TNPO1: variants seen among roughly 807,000 people sequenced by gnomAD.
TNPO1 encodes transportin-1.
TNPO1 carries 8 observed loss-of-function variants against 119.5 expected under a neutral mutation model. That is an observed-to-expected ratio of 0.07 (90% CI 0.04 to 0.12). The LOEUF (loss-of-function observed/expected upper bound fraction) is 0.12, where lower values mean the gene tolerates loss of function less well. Ranked by LOEUF, TNPO1 falls within the 10% of genes least tolerant of loss-of-function variation. The pLI, the probability that TNPO1 is intolerant of heterozygous loss-of-function variation, is 1.00. For synonymous variants in TNPO1, 362 were observed against 363.0 expected, an observed-to-expected ratio of 1.00 and a Z score of 0.03; for missense variants, 576 against 1,089.8, an observed-to-expected ratio of 0.53 and a Z score of 6.64.
At chr5:72,880,816 CAAAAAA>C (rs35726893) in intron 9 of TNPO1, among the ~76,000 whole-genome samples, 2 of 101,204 alleles carry the variant, frequency 2.0e-5, no homozygotes, top group Non-Finnish European at 3.8e-5. Flanking sequence ...GACTCCATCT[CAAAAAA>C]AAAAAAAAAA....
chr5:72,899,972 T>C (rs1274578805), intron 20 of TNPO1, 34 bp from the exon 21 acceptor site: 2 of 1,597,358 alleles, frequency 1.3e-6, no homozygotes, highest in African/African-American at 2.7e-5. Context: ...TGGTTGGCGT[T>C]TGGTGGTGTA....
rs185759851 is a variant in TNPO1 at position 72,845,046 on chromosome 5, A to C, written c.16-3339A>C. 8.1e-5 allele frequency among the ~76,000 whole-genome samples: 12 copies of C among 148,674 alleles called. No homozygotes were observed. In the East Asian group the frequency reaches 2.4e-3, roughly 29 times the overall value. ...GGCTGTCTTCTATCTTGTTTTTCAAATAACTGTATTTTGGCTTGTTGAAAT... is the reference window on the plus strand; with the variant it reads ...GGCTGTCTTCTATCTTGTTTTTCAACTAACTGTATTTTGGCTTGTTGAAAT... On this transcript the variant is annotated intron_variant, in intron 1 of 24. Coordinates refer to ENST00000337273, the MANE Select transcript of TNPO1 (RefSeq NM_002270.4).
At chr5:72,834,978 A>G (rs1340423353) in intron 1 of TNPO1, among the ~76,000 whole-genome samples, 1 of 152,040 alleles carries the variant, frequency 6.6e-6, no homozygotes, top group Admixed American at 6.6e-5. Context: ...CCATTGTGTT[A>G]CCATTGCCTG....
At chr5:72,830,565 T>G (rs1020326731) in intron 1 of TNPO1, among the ~76,000 whole-genome samples, 2 of 152,316 alleles carry the variant, frequency 1.3e-5, no homozygotes, top group Admixed American at 6.5e-5. Context: ...ATACAAGCAC[T>G]TAAGAAATGT....
chr5:72,907,899 A>G (rs1327613712), intron 24 of TNPO1, among the ~76,000 whole-genome samples: 2 of 151,912 alleles, frequency 1.3e-5, no homozygotes, highest in Non-Finnish European at 2.9e-5. Flanking sequence ...ATTAAAAAGA[A>G]AAAAATGAGC....
At position 72,909,936 on chromosome 5, in the gene TNPO1, C is replaced by T. The variant is rs949252177; in HGVS notation, c.*1263C>T. 1 of 152,552 alleles carries T rather than the reference C, an allele frequency of 6.6e-6. No homozygotes were observed. Among genetic ancestry groups the T allele is most frequent in the African/African-American group, 2.4e-5 (1 of 41,430 alleles). 9.4% of individuals were successfully genotyped at this position (152,552 alleles called of 1,614,324 possible). A position where few individuals can be genotyped will look rare whatever the true frequency, so the allele number is the denominator to read the frequency against. On this transcript the variant is annotated 3_prime_UTR_variant, in exon 25 of 25. Coordinates refer to ENST00000337273, the MANE Select transcript of TNPO1 (RefSeq NM_002270.4). ...TATACTACTAGTGATTTTATCAAAA[C>T]TTCTAAAATTTAAATTACGTGGTAA...
At chr5:72,835,984 A>T (rs1373927863) in intron 1 of TNPO1, among the ~76,000 whole-genome samples, 1 of 152,208 alleles carries the variant, frequency 6.6e-6, no homozygotes, top group African/African-American at 2.4e-5. Context: ...TGCCTTCCAG[A>T]TACAGTTGGG....
chr5:72,819,562 A>G (rs1174213447), intron 1 of TNPO1, among the ~76,000 whole-genome samples: 1 of 152,210 alleles, frequency 6.6e-6, no homozygotes, highest in African/African-American at 2.4e-5. Context: ...GATAGAATAC[A>G]TATAGGAATA....
chr5:72,866,641 C>G (rs186014647), intron 6 of TNPO1, among the ~76,000 whole-genome samples: 5 of 152,120 alleles, frequency 3.3e-5, no homozygotes, highest in Non-Finnish European at 7.4e-5. Flanking sequence ...GTGGTCCGAG[C>G]TACTTGAAGG....
At chr5:72,864,815 G>A (rs1746757700) in intron 5 of TNPO1, among the ~76,000 whole-genome samples, 1 of 151,876 alleles carries the variant, frequency 6.6e-6, no homozygotes, top group African/African-American at 2.4e-5. Flanking sequence ...CACCATGTTG[G>A]CTAGGCTGGT....
In TNPO1 at chr5:72,910,648, T is replaced by C. The variant is rs189769630; in HGVS notation, c.*1975T>C. ...CTGAATAACCATTTTTATAAGCAGT[T>C]GCTCCTCTTTGCATGGTTCTATTCT... On this transcript the variant is annotated 3_prime_UTR_variant, in exon 25 of 25. Coordinates refer to ENST00000337273, the MANE Select transcript of TNPO1 (RefSeq NM_002270.4). 4 of 152,728 alleles carry C rather than the reference T, an allele frequency of 2.6e-5. No individual in the cohort carries two copies. The highest frequency in any genetic ancestry group is 1.3e-4 in the Admixed American group (2 of 15,298). The allele number at this position is 152,728 out of a possible 1,614,324, so 9.5% of individuals were successfully genotyped here.
At chr5:72,842,818 G>A (rs1368114351) in intron 1 of TNPO1, among the ~76,000 whole-genome samples, 1 of 152,184 alleles carries the variant, frequency 6.6e-6, no homozygotes, top group African/African-American at 2.4e-5. Flanking sequence ...CTTTGATCAT[G>A]TTTTTTATCA....
At chr5:72,852,503 G>A (rs1015782315) in intron 3 of TNPO1, among the ~76,000 whole-genome samples, 2 of 152,134 alleles carry the variant, frequency 1.3e-5, no homozygotes, top group Non-Finnish European at 2.9e-5. Context: ...TATTTATTGC[G>A]CAACTGATTG....
chr5:72,874,596 G>A (rs928607817), intron 7 of TNPO1, among the ~76,000 whole-genome samples: 2 of 152,170 alleles, frequency 1.3e-5, no homozygotes, highest in African/African-American at 2.4e-5. Context: ...CAGGAACTAC[G>A]TAGTTTTGAG....
chr5:72,906,432 C>T lies in TNPO1; in HGVS notation c.*35+987C>T, dbSNP rs1750172831. Reference sequence around the variant, plus strand: ...CGAGCCTCCCAAGTAGCTGGCATTACAGGCACATGCCACCATGCCTGGCTA... The same window carrying T: ...CGAGCCTCCCAAGTAGCTGGCATTATAGGCACATGCCACCATGCCTGGCTA... On this transcript the variant is annotated intron_variant, in intron 24 of 24. Coordinates refer to ENST00000337273, the MANE Select transcript of TNPO1 (RefSeq NM_002270.4). Among the ~76,000 whole-genome samples the T allele has an allele frequency of 2.0e-5, 3 of 151,768 alleles. No homozygotes were observed. In the South Asian group the frequency reaches 6.2e-4, roughly 32 times the overall value.
At chr5:72,844,763 G>A (rs150591835) in intron 1 of TNPO1, among the ~76,000 whole-genome samples, 43 of 152,236 alleles carry the variant, frequency 2.8e-4, no homozygotes, top group Admixed American at 1.6e-3. Flanking sequence ...GAATTCAAAC[G>A]TGGTCAGTTG....
At chr5:72,897,943 ATTTGGTATTT>A (rs1416798172) in intron 20 of TNPO1, among the ~76,000 whole-genome samples, 1 of 152,094 alleles carries the variant, frequency 6.6e-6, no homozygotes, top group Admixed American at 6.5e-5. Context: ...AGGCATTTTT[ATTTGGTATTT>A]TTAAATTATA....
At chr5:72,893,568 C>T (rs375707804) in intron 17 of TNPO1, 33 bp downstream of exon 17, 1 of 1,614,130 alleles carries the variant, frequency 6.2e-7, no homozygotes. Context: ...GAATTGAAGC[C>T]TGTTTCTCTG....
intron 1 of TNPO1, among the ~76,000 whole-genome samples, chr5:72,835,391 T>C (rs1247867678): frequency 6.6e-6 from 1 of 152,162 alleles, no homozygotes. Context: ...GTATTTCTCA[T>C]AGTAGTACAC....
Sources: gnomAD v4.1 joint callset for allele counts (sites outside exome capture counted in the v4.1 genomes callset) on GRCh38, gnomAD v4.1.1 for gene constraint, MANE v1.5 for transcripts, NCBI Gene and HGNC (gene_info 2026-07-23, HGNC 2026-07-21) for gene names.